KIF3B: variants seen among roughly 807,000 people sequenced by gnomAD.
KIF3B encodes kinesin-like protein KIF3B.
KIF3B carries 38 observed loss-of-function variants against 74.3 expected under a neutral mutation model. The observed-to-expected ratio is 0.51, with a 90% CI of 0.39 to 0.67. KIF3B has a LOEUF of 0.67. Among genes scored for constraint, KIF3B ranks in the 30% least tolerant of loss-of-function variants. KIF3B has a pLI of 0.00. For missense variants in KIF3B, 649 were observed against 932.0 expected (o/e 0.70, Z 3.95); for synonymous variants, 326 against 342.5 (o/e 0.95, Z 0.53).
intron 1 of KIF3B, among the ~76,000 whole-genome samples, chr20:32,290,411 G>A (rs2122660774): frequency 6.6e-6 from 1 of 151,906 alleles, no homozygotes. Flanking sequence ...AGGAATGATA[G>A]AGCTGGGTTT....
At chr20:32,279,266 T>G (rs1382703952) in intron 1 of KIF3B, among the ~76,000 whole-genome samples, 2 of 152,214 alleles carry the variant, frequency 1.3e-5, no homozygotes, top group East Asian at 1.9e-4. Flanking sequence ...GAAGTGGACG[T>G]GTTTCTAGGT....
intron 2 of KIF3B, among the ~76,000 whole-genome samples, chr20:32,312,794 A>G (rs527237200): frequency 7.9e-5 from 12 of 152,112 alleles, no homozygotes; most frequent in South Asian, 2.1e-4. Context: ...CTTGTTTGGC[A>G]CTGTTAGGTC....
Position 32,316,823 on chromosome 20 carries a change from G to A in KIF3B, c.1697G>A (p.Arg566His), listed in dbSNP as rs1381386084. The stretch of plus-strand genomic sequence containing the variant: ...CTCCAAGAAGAACACATCAAGGAGC[G>A]CCAAGAGCTAGAGCAGACTCAGAAT... ...HDLQEEHIKE[R>H]QELEQTQNEL... The change falls in exon 5 of 9, where the codon CGC (arginine) becomes CAC (histidine). Residue 566 changes from arginine (R) to histidine (H), a missense_variant. By Grantham distance (29) the Arg-to-His change is conservative (BLOSUM62 0). Transcript: ENST00000375712. The A allele has an allele frequency of 6.2e-7, 1 of 1,614,074 alleles. No homozygotes were observed. The highest frequency in any genetic ancestry group is 1.3e-5 in the African/African-American group (1 of 75,052).
intron 1 of KIF3B, among the ~76,000 whole-genome samples, chr20:32,288,443 A>G (rs1365304321): frequency 6.6e-6 from 1 of 152,192 alleles, no homozygotes; most frequent in Non-Finnish European, 1.5e-5. Flanking sequence ...TGATTGCGCT[A>G]CTGCATTCCA....
At chr20:32,287,294 G>A (rs1159479225) in intron 1 of KIF3B, among the ~76,000 whole-genome samples, 1 of 151,746 alleles carries the variant, frequency 6.6e-6, no homozygotes, top group Non-Finnish European at 1.5e-5. Flanking sequence ...CAGATTACAA[G>A]TGTGAGCCAC....
intron 1 of KIF3B, among the ~76,000 whole-genome samples, chr20:32,279,286 A>G (rs1471824932): frequency 6.6e-6 from 1 of 151,974 alleles, no homozygotes; most frequent in Non-Finnish European, 1.5e-5. Context: ...TAAATCCTGT[A>G]TTTTATCCCC....
At chr20:32,326,571 C>T (rs1270627502) in intron 5 of KIF3B, among the ~76,000 whole-genome samples, 200 bp from the exon 6 acceptor site, 3 of 152,186 alleles carry the variant, frequency 2.0e-5, no homozygotes, top group African/African-American at 7.2e-5. Flanking sequence ...CACCATTACC[C>T]TTTGTTTCAG....
chr20:32,332,166 G>A lies in KIF3B; in HGVS notation c.*847G>A, dbSNP rs1014482794. 2 of 152,700 alleles carry A rather than the reference G, an allele frequency of 1.3e-5. No individual in the cohort carries two copies. Among genetic ancestry groups the A allele is most frequent in the African/African-American group, 4.8e-5 (2 of 41,452 alleles). The allele number at this position is 152,700 out of a possible 1,614,324, so 9.5% of individuals were successfully genotyped here. A position where few individuals can be genotyped will look rare whatever the true frequency, so the allele number is the denominator to read the frequency against. On this transcript the variant is annotated 3_prime_UTR_variant, in exon 9 of 9. Transcript: ENST00000375712. ...ATGCACGCATACTCTGAACATCCTT[G>A]TGTGGGCCCATCCTCTGCATCCAGA... is the stretch of plus-strand genomic sequence containing the variant.
chr20:32,279,374 C>A (rs983758182), intron 1 of KIF3B, among the ~76,000 whole-genome samples: 2 of 151,834 alleles, frequency 1.3e-5, no homozygotes, highest in African/African-American at 2.4e-5. Context: ...TTTTAACTGG[C>A]TAGAAGTTAA....
At chr20:32,299,399 A>ATTTTT (rs1424602118) in intron 1 of KIF3B, among the ~76,000 whole-genome samples, 34 of 31,750 alleles carry the variant, frequency 1.1e-3, no homozygotes, top group African/African-American at 5.5e-3. Context: ...ATATATATAT[A>ATTTTT]TATATTTTTT....
chr20:32,309,991 C>T lies in KIF3B; in HGVS notation c.214C>T (p.Leu72=). The stretch of plus-strand genomic sequence containing the variant: ...TGACTGGAATGCCAAGCAGTTTGAA[C>T]TGTACGATGAGACGTTCCGACCACT... The part of the protein sequence containing the change: ...VYDWNAKQFE[L]YDETFRPLVD... Residue 72 remains leucine, a synonymous_variant, in exon 2 of 9, where the codon CTG becomes TTG. Transcript: ENST00000375712. The T allele has an allele frequency of 6.2e-7, 1 of 1,614,164 alleles. No homozygotes were observed. The highest frequency in any genetic ancestry group is 8.5e-7 in the Non-Finnish European group (1 of 1,180,024).
At chr20:32,317,399 C>T (rs1404577565) in intron 5 of KIF3B, among the ~76,000 whole-genome samples, 3 of 152,056 alleles carry the variant, frequency 2.0e-5, no homozygotes, top group Admixed American at 6.6e-5. Context: ...CCTACCTTCT[C>T]GAAGCTTTTA....
intron 5 of KIF3B, among the ~76,000 whole-genome samples, chr20:32,324,997 C>T (rs1255072295): frequency 6.6e-6 from 1 of 152,096 alleles, no homozygotes; most frequent in Admixed American, 6.6e-5. Context: ...CGCCACTTTA[C>T]TCCAGCCTGG....
Position 32,316,789 on chromosome 20 carries a change from A to T in KIF3B, c.1663A>T (p.Ile555Phe), listed in dbSNP as rs1569204201. The T allele has an allele frequency of 3.1e-6, 5 of 1,613,994 alleles. No homozygotes were observed. Among genetic ancestry groups the T allele is most frequent in the Non-Finnish European group, 4.2e-6 (5 of 1,180,012 alleles). ...FSKLQAVKAE[I>F]HDLQEEHIKE... The stretch of plus-strand genomic sequence containing the variant: ...CAAGCTTCAGGCAGTGAAGGCTGAG[A>T]TCCATGACCTCCAAGAAGAACACAT... Residue 555 changes from isoleucine (I) to phenylalanine (F), a missense_variant, in exon 5 of 9, where the codon ATC becomes TTC. By Grantham distance (21) the Ile-to-Phe change is conservative (BLOSUM62 0). Coordinates refer to ENST00000375712, the MANE Select transcript of KIF3B (RefSeq NM_004798.4).
chr20:32,291,948 T>G (rs1330050437), intron 1 of KIF3B, among the ~76,000 whole-genome samples: 1 of 150,848 alleles, frequency 6.6e-6, no homozygotes, highest in African/African-American at 2.4e-5. Flanking sequence ...AGGGTCTCAC[T>G]GTATCACCCA....
chr20:32,323,196 TTATA>T (rs2047884864), intron 5 of KIF3B, among the ~76,000 whole-genome samples: 1 of 131,714 alleles, frequency 7.6e-6, no homozygotes, highest in Non-Finnish European at 1.6e-5. Flanking sequence ...ATATTTATAT[TTATA>T]TATAATTGAT....
chr20:32,331,023 C>T (rs1301894620), intron 8 of KIF3B, among the ~76,000 whole-genome samples, 200 bp from the exon 9 acceptor site: 1 of 152,192 alleles, frequency 6.6e-6, no homozygotes, highest in Non-Finnish European at 1.5e-5. Flanking sequence ...GAGTCTCCTT[C>T]TCTCAGGTTC....
intron 1 of KIF3B, among the ~76,000 whole-genome samples, chr20:32,292,012 G>A (rs531177446): frequency 2.0e-5 from 3 of 151,828 alleles, no homozygotes; most frequent in South Asian, 2.1e-4. Flanking sequence ...ACTCTTAGGC[G>A]GCTCAAGCAA....
chr20:32,307,102 C>T (rs111888941), intron 1 of KIF3B, among the ~76,000 whole-genome samples: 2 of 152,058 alleles, frequency 1.3e-5, no homozygotes, highest in South Asian at 2.1e-4. Context: ...CAAAAATAAG[C>T]GGAAGGTACA....
Sources: gnomAD v4.1 joint callset for allele counts (sites outside exome capture counted in the v4.1 genomes callset) on GRCh38, gnomAD v4.1.1 for gene constraint, MANE v1.5 for transcripts, NCBI Gene and HGNC (gene_info 2026-07-23, HGNC 2026-07-21) for gene names.